OGDH: variants seen among roughly 807,000 people sequenced by gnomAD.
OGDH encodes the protein oxoglutarate dehydrogenase.
Under a neutral mutation model 116.6 loss-of-function variants are expected in OGDH, and 38 were observed. The ratio of observed to expected loss-of-function variants is 0.33; its 90% CI spans 0.25 to 0.43. The LOEUF is 0.43. Among genes scored for constraint, OGDH ranks in the 20% least tolerant of loss-of-function variants. The pLI, the probability that OGDH is intolerant of heterozygous loss-of-function variation, is 1.00. For synonymous variants in OGDH, 488 were observed against 533.3 expected (o/e 0.92, Z 1.17); for missense variants, 825 against 1,357.2 (o/e 0.61, Z 6.16).
chr7:44,669,822 A>G (rs2268318), intron 5 of OGDH, among the ~76,000 whole-genome samples: 26,832 of 152,036 alleles, frequency 0.18, 5,589 homozygotes, highest in African/African-American at 0.49. Context: ...CCATTTTCAC[A>G]ACAGTTTACA....
At chr7:44,622,718 T>C (rs1785050370) in intron 1 of OGDH, 1 of 152,050 alleles carries the variant, frequency 6.6e-6, no homozygotes, top group Non-Finnish European at 1.5e-5. Flanking sequence ...GGACATGGAG[T>C]GTAGTTCTAA....
chr7:44,642,137 C>T (rs925482473), intron 2 of OGDH, among the ~76,000 whole-genome samples: 5 of 138,624 alleles, frequency 3.6e-5, no homozygotes, highest in African/African-American at 1.7e-4. Flanking sequence ...AAAGTTTAGG[C>T]CCAGATGGTG....
chr7:44,676,791 G>A (rs1309450943), intron 9 of OGDH, among the ~76,000 whole-genome samples: 2 of 152,058 alleles, frequency 1.3e-5, no homozygotes, highest in Non-Finnish European at 2.9e-5. Flanking sequence ...TATTCTGAAT[G>A]GACAGAGATG....
chr7:44,695,366 G>A (rs1262650447), intron 12 of OGDH, among the ~76,000 whole-genome samples: 1 of 152,178 alleles, frequency 6.6e-6, no homozygotes, highest in Non-Finnish European at 1.5e-5. Context: ...AAAGTGCTGG[G>A]ATTATAGGCA....
intron 20 of OGDH, among the ~76,000 whole-genome samples, chr7:44,707,000 C>T (rs1410178372): frequency 2.0e-5 from 3 of 152,292 alleles, no homozygotes; most frequent in Middle Eastern, 3.4e-3. Flanking sequence ...TTACTTGATA[C>T]CCAGAGCTGG....
At chr7:44,675,942 G>A in intron 8 of OGDH, 28 bp from the exon 9 acceptor site, 1 of 1,605,842 alleles carries the variant, frequency 6.2e-7, no homozygotes. Flanking sequence ...CCTTGGCCAG[G>A]GTGCAAATTC....
chr7:44,618,590 C>A (rs1471278394), intron 1 of OGDH, among the ~76,000 whole-genome samples: 1 of 152,078 alleles, frequency 6.6e-6, no homozygotes, highest in African/African-American at 2.4e-5. Flanking sequence ...AGTATTTCTC[C>A]TTGGTTCCTG....
intron 1 of OGDH, among the ~76,000 whole-genome samples, chr7:44,617,481 A>G (rs189420241): frequency 6.6e-6 from 1 of 152,180 alleles, no homozygotes; most frequent in Non-Finnish European, 1.5e-5. Flanking sequence ...ATGAAAAAAA[A>G]CTTTACAGTT....
chr7:44,664,952 A>G (rs997901722), intron 4 of OGDH, among the ~76,000 whole-genome samples: 6 of 152,214 alleles, frequency 3.9e-5, no homozygotes, highest in Admixed American at 6.5e-5. Flanking sequence ...AAAGACTGCA[A>G]CCAATACACA....
intron 2 of OGDH, among the ~76,000 whole-genome samples, chr7:44,636,142 C>T (rs1157283814): frequency 6.6e-6 from 1 of 152,242 alleles, no homozygotes; most frequent in Non-Finnish European, 1.5e-5. Context: ...GGGAGGCAGA[C>T]CTAGGACCTG....
chr7:44,673,159 A>G (rs372479148), intron 5 of OGDH, among the ~76,000 whole-genome samples: 28 of 152,072 alleles, frequency 1.8e-4, no homozygotes, highest in African/African-American at 6.8e-4. Flanking sequence ...TGAGCCCAGG[A>G]GTTCAAGACC....
intron 4 of OGDH, among the ~76,000 whole-genome samples, chr7:44,650,831 A>T (rs1461411915): frequency 6.6e-6 from 1 of 152,216 alleles, no homozygotes; most frequent in African/African-American, 2.4e-5. Flanking sequence ...ACCAGTGTGT[A>T]GACGGGTCAG....
intron 10 of OGDH, among the ~76,000 whole-genome samples, chr7:44,688,344 C>T (rs1329223205): frequency 6.6e-6 from 1 of 151,764 alleles, no homozygotes; most frequent in Non-Finnish European, 1.5e-5. Context: ...GCACCACAGC[C>T]TGGGTGACAG....
rs868798268 is a variant in OGDH, at chr7:44,697,926, G to T, written c.2358+144G>T. The T allele has an allele frequency of 9.2e-7, 1 of 1,086,464 alleles. No individual in the cohort carries two copies. The highest frequency in any genetic ancestry group is 1.3e-6 in the Non-Finnish European group (1 of 775,504). 67.3% of individuals were successfully genotyped at this position (1,086,464 alleles called of 1,614,324 possible). A position where few individuals can be genotyped will look rare whatever the true frequency, so the allele number is the denominator to read the frequency against. ...GGTGCTTCCCATCCATCTCAGATGG[G>T]ATGTCACTTCAGAAAGCCAGAGTAG... On this transcript the variant is annotated intron_variant, in intron 17 of 22. Coordinates refer to ENST00000222673, the MANE Select transcript of OGDH (RefSeq NM_002541.4). The surrounding 1 kb of genome is among the most constrained non-coding windows in gnomAD (Gnocchi z 6.0).
intron 7 of OGDH, 85 bp downstream of exon 7, chr7:44,674,642 AGCT>A: frequency 6.8e-7 from 1 of 1,474,694 alleles, no homozygotes. Flanking sequence ...CTGAGAGAGC[AGCT>A]GTTTCCTCCT....
intron 2 of OGDH, among the ~76,000 whole-genome samples, chr7:44,635,895 G>C (rs1785647682): frequency 6.6e-6 from 1 of 151,974 alleles, no homozygotes; most frequent in Non-Finnish European, 1.5e-5. Flanking sequence ...AGTAGAGATG[G>C]GGTTTCACCA....
At chr7:44,675,923 T>C (rs768735671) in intron 8 of OGDH, 47 bp from the exon 9 acceptor site, 1 of 1,587,088 alleles carries the variant, frequency 6.3e-7, no homozygotes, top group Non-Finnish European at 8.6e-7. Flanking sequence ...TTTTGGAGAC[T>C]GAGCATCTCC....
intron 4 of OGDH, among the ~76,000 whole-genome samples, chr7:44,658,131 G>A (rs1488616901): frequency 6.6e-6 from 1 of 152,080 alleles, no homozygotes; most frequent in Non-Finnish European, 1.5e-5. Flanking sequence ...GCATATCTAT[G>A]TCTACATATA....
rs1786062210 is a variant in OGDH at position 44,643,974 on chromosome 7, A to G, written c.223-1353A>G. ...GTAATCCCAACACTTTGGGAGGCCA[A>G]AGCAAGTGGATCACTTGAGGTCAAG... On this transcript the variant is annotated intron_variant, in intron 2 of 22. Transcript: ENST00000222673. Among the ~76,000 whole-genome samples the G allele has an allele frequency of 2.6e-5, 4 of 152,222 alleles. No homozygotes were observed. The South Asian group carries it at 8.3e-4, about 31-fold the overall frequency.
Sources: allele counts gnomAD v4.1 joint callset (sites outside exome capture counted in the v4.1 genomes callset), GRCh38; gene constraint gnomAD v4.1.1; non-coding constraint Gnocchi (gnomAD v3.1); transcripts MANE v1.5; gene names NCBI Gene and HGNC (gene_info 2026-07-23, HGNC 2026-07-21).